ZPLD1: variants seen among roughly 807,000 people sequenced by gnomAD.
The protein encoded by ZPLD1 is zona pellucida-like domain-containing protein 1.
Under a neutral mutation model 47.2 loss-of-function variants are expected in ZPLD1, and 34 were observed. The ratio of observed to expected loss-of-function variants is 0.72; its 90% CI spans 0.55 to 0.96. The LOEUF (loss-of-function observed/expected upper bound fraction) is 0.96. Ranked by LOEUF, ZPLD1 falls within the 40% of genes least tolerant of loss-of-function variation. ZPLD1 has a pLI of 0.00. For missense variants in ZPLD1, 512 were observed against 505.8 expected (o/e 1.01, Z -0.12); for synonymous variants, 176 against 186.2 (o/e 0.95, Z 0.45).
In ZPLD1 at chr3:102,470,396, T is replaced by G. The variant is rs1239750778; in HGVS notation, c.936T>G (p.Ile312Met). Residue 312 changes from isoleucine (I) to methionine (M), a missense_variant and splice_region_variant, in exon 10 of 12, where the codon ATT (isoleucine) becomes ATG (methionine). Physicochemically the swap from Ile to Met is conservative, Grantham distance 10. Coordinates refer to ENST00000466937, the MANE Select transcript of ZPLD1 (RefSeq NM_001329788.2). The stretch of plus-strand genomic sequence containing the variant: ...ATTTGTTTTCATTAACACCTCAGAT[T>G]TGCAGCCACAGAGAAAGGAGAGATG... ...RADDCPFLMP[I>M]CSHRERRDAG... The G allele has an allele frequency of 6.2e-7, 1 of 1,613,938 alleles. No homozygotes were observed. Among genetic ancestry groups the G allele is most frequent in the Non-Finnish European group, 8.5e-7 (1 of 1,179,846 alleles).
At chr3:102,434,550 T>C, upstream of ZPLD1, among the ~76,000 whole-genome samples, 1 of 152,190 alleles carries the variant, frequency 6.6e-6, no homozygotes, top group East Asian at 1.9e-4. Context: ...AATTCAACAT[T>C]TTACTTATAA....
intron 7 of ZPLD1, among the ~76,000 whole-genome samples, chr3:102,399,314 A>G (rs1706592756): frequency 6.6e-6 from 1 of 152,102 alleles, no homozygotes; most frequent in Admixed American, 6.6e-5. Context: ...CTTCAGGGCT[A>G]TATGTAATCT....
chr3:102,389,996 A>G (rs1389015351), intron 6 of ZPLD1, among the ~76,000 whole-genome samples: 1 of 152,130 alleles, frequency 6.6e-6, no homozygotes, highest in East Asian at 1.9e-4. Flanking sequence ...GGACTGGAGG[A>G]AGACCTTTGA....
intron 6 of ZPLD1, among the ~76,000 whole-genome samples, chr3:102,389,750 C>G (rs1315278898): frequency 6.6e-6 from 1 of 152,052 alleles, no homozygotes; most frequent in Non-Finnish European, 1.5e-5. Flanking sequence ...TAATATATAA[C>G]CTGAGGATCC....
upstream of ZPLD1, among the ~76,000 whole-genome samples, chr3:102,434,049 T>A: frequency 6.6e-6 from 1 of 152,188 alleles, no homozygotes; most frequent in East Asian, 1.9e-4. Flanking sequence ...TAATTCCAAA[T>A]GTCAAGCTCA....
intron 4 of ZPLD1, among the ~76,000 whole-genome samples, chr3:102,454,941 G>A (rs1461498662): frequency 1.3e-5 from 2 of 152,178 alleles, no homozygotes; most frequent in Non-Finnish European, 2.9e-5. Flanking sequence ...ATCAAATAAA[G>A]CAAGTAGTGG....
At chr3:102,391,011 A>G (rs1559737816) in intron 6 of ZPLD1, among the ~76,000 whole-genome samples, 1 of 152,154 alleles carries the variant, frequency 6.6e-6, no homozygotes, top group Non-Finnish European at 1.5e-5. Context: ...TCTCCTTAGA[A>G]AATTATCCAG....
intron 7 of ZPLD1, among the ~76,000 whole-genome samples, chr3:102,408,579 A>T (rs1706717825): frequency 6.6e-6 from 1 of 151,912 alleles, no homozygotes; most frequent in Admixed American, 6.6e-5. Context: ...TCAGCAGACC[A>T]TCTAGAGACT....
intron 7 of ZPLD1, among the ~76,000 whole-genome samples, chr3:102,463,045 G>A (rs748290508): frequency 5.9e-5 from 9 of 152,098 alleles, no homozygotes; most frequent in Non-Finnish European, 1.3e-4. Context: ...TTCCTGTCCT[G>A]AAGAATATTT....
chr3:102,467,002 T>G (rs988510778), intron 8 of ZPLD1, among the ~76,000 whole-genome samples: 1 of 151,978 alleles, frequency 6.6e-6, no homozygotes, highest in Admixed American at 6.6e-5. Context: ...AAGATTTCAT[T>G]AAGTGGAAAC....
chr3:102,403,594 T>C (rs1463864528), intron 7 of ZPLD1, among the ~76,000 whole-genome samples: 1 of 152,026 alleles, frequency 6.6e-6, no homozygotes, highest in Non-Finnish European at 1.5e-5. Context: ...TTGATCTCAG[T>C]AACCCATTTT....
chr3:102,435,670 T>C lies in ZPLD1; in HGVS notation c.-123+516T>C, dbSNP rs984825455. Among the ~76,000 whole-genome samples the C allele has an allele frequency of 1.7e-4, 24 of 145,396 alleles. No individual in the cohort carries two copies. The Admixed American group carries it at 1.7e-3, about 10-fold the overall frequency. Reference sequence around the variant, plus strand: ...TTTTTTTTTTTTTTCTGAGACGGAGTCTTGCTCTGTAGCCCAGGCTGGAGT... The same window carrying C: ...TTTTTTTTTTTTTTCTGAGACGGAGCCTTGCTCTGTAGCCCAGGCTGGAGT... On this transcript the variant is annotated intron_variant, in intron 1 of 11. Coordinates refer to ENST00000466937, the MANE Select transcript of ZPLD1 (RefSeq NM_001329788.2).
At chr3:102,468,840 G>T (rs537549168) in intron 8 of ZPLD1, 124 bp from the exon 9 acceptor site, 1 of 834,060 alleles carries the variant, frequency 1.2e-6, no homozygotes, top group Non-Finnish European at 1.8e-6. Flanking sequence ...TATCTGTAAC[G>T]TGGCATGGTT....
chr3:102,392,747 TG>T (rs1706511640), intron 7 of ZPLD1, among the ~76,000 whole-genome samples: 1 of 152,142 alleles, frequency 6.6e-6, no homozygotes, highest in Admixed American at 6.5e-5. Context: ...ATTGCCACAT[TG>T]GGGATTAATT....
At chr3:102,463,471 G>A (rs1222944842) in intron 7 of ZPLD1, among the ~76,000 whole-genome samples, 1 of 152,144 alleles carries the variant, frequency 6.6e-6, no homozygotes. Flanking sequence ...CCATTCAGTT[G>A]TCTTGTACAC....
intron 6 of ZPLD1, among the ~76,000 whole-genome samples, chr3:102,389,196 G>A (rs1024540498): frequency 3.9e-5 from 6 of 152,210 alleles, no homozygotes; most frequent in Admixed American, 6.5e-5. Flanking sequence ...GTATGCCCTG[G>A]TGCTGGAGAG....
chr3:102,434,895 G>A (rs577584228), upstream of ZPLD1: 7 of 507,186 alleles, frequency 1.4e-5, no homozygotes, highest in Non-Finnish European at 2.5e-5. Context: ...TCTACATTCT[G>A]AAAAGAAACT....
chr3:102,463,767 C>T (rs1452753888), intron 7 of ZPLD1, among the ~76,000 whole-genome samples: 7 of 151,570 alleles, frequency 4.6e-5, no homozygotes, highest in Admixed American at 4.6e-4. Flanking sequence ...CAGGCAAGCG[C>T]GGTGGCTCAC....
chr3:102,463,488 T>C lies in ZPLD1; in HGVS notation c.681-683T>C, dbSNP rs907166290. ...ATTCAGTTGTCTTGTACACAATTAT[T>C]TTATGGCATTAGACTTGACTCCCCT... On this transcript the variant is annotated intron_variant, in intron 7 of 11. Coordinates refer to ENST00000466937, the MANE Select transcript of ZPLD1 (RefSeq NM_001329788.2). Among the ~76,000 whole-genome samples the C allele has an allele frequency of 2.6e-5, 4 of 152,198 alleles. No homozygotes were observed. In the South Asian group the frequency reaches 8.3e-4, roughly 32 times the overall value.
Sources: gnomAD v4.1 joint callset for allele counts (sites outside exome capture counted in the v4.1 genomes callset) on GRCh38, gnomAD v4.1.1 for gene constraint, MANE v1.5 for transcripts, NCBI Gene and HGNC (gene_info 2026-07-23, HGNC 2026-07-21) for gene names.